The following OTUD4 variants were observed in gnomAD, a reference collection of about 807,000 sequenced individuals.
OTUD4 encodes OTU deubiquitinase 4.
In OTUD4, 24 loss-of-function variants were observed where a neutral mutation model predicts 130.4. That is an observed-to-expected ratio of 0.18 (90% confidence interval 0.13 to 0.26). The LOEUF (loss-of-function observed/expected upper bound fraction) is 0.26. Among genes scored for constraint, OTUD4 ranks in the 10% least tolerant of loss-of-function variants. The pLI is 1.00. For missense variants in OTUD4, 1,031 were observed against 1,329.4 expected (o/e 0.78, Z 3.49); for synonymous variants, 420 against 472.5 (o/e 0.89, Z 1.44).
intron 6 of OTUD4, 151 bp from the exon 7 acceptor site, chr4:145,159,786 T>A: frequency 1.4e-6 from 1 of 708,460 alleles, no homozygotes. Flanking sequence ...AACATAATTT[T>A]ATCAGAAAGT....
intron 1 of OTUD4, among the ~76,000 whole-genome samples, chr4:145,177,776 AGTCTCCTCCCC>A (rs1372791270): frequency 1.3e-5 from 2 of 152,228 alleles, no homozygotes; most frequent in African/African-American, 4.8e-5. Flanking sequence ...TCCTAACTCG[AGTCTCCTCCCC>A]GTCTTTAAAA....
At chr4:145,179,375 A>C (rs914694562) in intron 1 of OTUD4, among the ~76,000 whole-genome samples, 9 of 152,220 alleles carry the variant, frequency 5.9e-5, no homozygotes, top group African/African-American at 2.2e-4. Flanking sequence ...AGCAAACCAA[A>C]ATATGTTCCA....
intron 13 of OTUD4, among the ~76,000 whole-genome samples, chr4:145,148,857 G>A (rs1001729872): frequency 6.6e-6 from 1 of 152,012 alleles, no homozygotes; most frequent in African/African-American, 2.4e-5. Context: ...GATACTTTTC[G>A]TGCATTGAGT....
Position 145,138,043 on chromosome 4 carries a change from T to G in OTUD4, c.2732A>C (p.Glu911Ala). Residue 911 changes from glutamate (E) to alanine (A), a missense_variant, in exon 21 of 21, where the codon GAG (glutamate) becomes GCG (alanine). Transcript: ENST00000447906. ...ATGTTCACCCCTGGCTTCTGGAAAC[T>G]CATCTACTGTTGAAACTGAACCACA... ...KDCGSVSTVD[E>A]FPEARGEHVH... The G allele has an allele frequency of 6.2e-7, 1 of 1,614,212 alleles. No individual in the cohort carries two copies. The highest frequency in any genetic ancestry group is 8.5e-7 in the Non-Finnish European group (1 of 1,180,032).
At chr4:145,139,336 T>G (rs2126736620) in intron 20 of OTUD4, among the ~76,000 whole-genome samples, 1 of 152,308 alleles carries the variant, frequency 6.6e-6, no homozygotes, top group South Asian at 2.1e-4. Context: ...GTTTCATAGT[T>G]TAACTGTCTA....
intron 8 of OTUD4, 77 bp downstream of exon 8, chr4:145,155,859 G>GA (rs1428295832): frequency 6.3e-6 from 8 of 1,275,306 alleles, no homozygotes; most frequent in Non-Finnish European, 8.8e-6. Flanking sequence ...CCAGAAAAAA[G>GA]AAAAAAATTA....
At chr4:145,177,954 A>G (rs550689162) in intron 1 of OTUD4, among the ~76,000 whole-genome samples, 1 of 152,270 alleles carries the variant, frequency 6.6e-6, no homozygotes, top group South Asian at 2.1e-4. Context: ...ACACACACAC[A>G]CTTTGCCTTT....
At chr4:145,163,354 T>G (rs1751677359) in intron 5 of OTUD4, among the ~76,000 whole-genome samples, 1 of 152,198 alleles carries the variant, frequency 6.6e-6, no homozygotes, top group Admixed American at 6.5e-5. Context: ...ACAAAAATTC[T>G]CTTATAATAA....
chr4:145,146,606 G>C (rs372831480), intron 13 of OTUD4, among the ~76,000 whole-genome samples, 177 bp from the exon 14 acceptor site: 6 of 151,756 alleles, frequency 4.0e-5, no homozygotes, highest in African/African-American at 1.5e-4. Context: ...TAGAACATTT[G>C]GCAGTCTGGT....
chr4:145,177,759 A>AC (rs1752496679), intron 1 of OTUD4, among the ~76,000 whole-genome samples: 1 of 152,234 alleles, frequency 6.6e-6, no homozygotes, highest in South Asian at 2.1e-4. Context: ...GGAGAGAAAG[A>AC]CCAAAATCCT....
At chr4:145,143,309 G>C (rs1042651427) in intron 17 of OTUD4, 56 bp downstream of exon 17, 6 of 1,101,354 alleles carry the variant, frequency 5.4e-6, no homozygotes, top group Non-Finnish European at 8.3e-6. Flanking sequence ...CCTATACACA[G>C]AGCACAGAAA....
chr4:145,144,252 T>C (rs1274719975), intron 15 of OTUD4, 59 bp downstream of exon 15: 1 of 1,550,894 alleles, frequency 6.4e-7, no homozygotes, highest in East Asian at 2.2e-5. Flanking sequence ...ATATATGACA[T>C]TAAGCCAGTC....
At chr4:145,159,315 C>T in intron 7 of OTUD4, 188 bp downstream of exon 7, 1 of 1,399,904 alleles carries the variant, frequency 7.1e-7, no homozygotes, top group Non-Finnish European at 9.3e-7. Context: ...TCAAAACAAA[C>T]AGTCCCATAA....
intron 1 of OTUD4, among the ~76,000 whole-genome samples, chr4:145,177,588 T>C (rs977368815): frequency 3.3e-5 from 5 of 152,352 alleles, no homozygotes; most frequent in Admixed American, 3.3e-4. Flanking sequence ...TGGGACAAGA[T>C]AGTGATAAAT....
chr4:145,144,175 T>C, intron 15 of OTUD4, 136 bp downstream of exon 15: 1 of 1,092,234 alleles, frequency 9.2e-7, no homozygotes, highest in Non-Finnish European at 1.3e-6. Context: ...TCAATACTTC[T>C]CTGCAACATT....
Position 145,155,609 on chromosome 4 carries a change from A to G in OTUD4, c.768T>C (p.Tyr256=). The G allele has an allele frequency of 6.2e-7, 1 of 1,612,896 alleles. No homozygotes were observed. Among genetic ancestry groups the G allele is most frequent in the Non-Finnish European group, 8.5e-7 (1 of 1,179,426 alleles). ...GCCAAATTTCATATTCCACATTTCT[A>G]TAGACTGCAGGATTGAGTGACTTAA... ...KVLKSLNPAV[Y]RNVEYEIWLK... Residue 256 remains tyrosine, a synonymous_variant, in exon 9 of 21, where the codon TAT becomes TAC. Transcript: ENST00000447906.
intron 6 of OTUD4, among the ~76,000 whole-genome samples, 187 bp from the exon 7 acceptor site, chr4:145,159,822 G>C (rs759322315): frequency 2.0e-5 from 3 of 152,158 alleles, no homozygotes; most frequent in Non-Finnish European, 4.4e-5. Context: ...TAAAATTTCT[G>C]TAAGTGCAGT....
At chr4:145,148,205 A>C (rs539146115) in intron 13 of OTUD4, among the ~76,000 whole-genome samples, 40 of 152,230 alleles carry the variant, frequency 2.6e-4, no homozygotes, top group Non-Finnish European at 4.3e-4. Flanking sequence ...TATTGAAAAC[A>C]CTGTTGATTA....
rs1254683107 is a variant in OTUD4 at position 145,133,996 on chromosome 4, G to T, written c.*3434C>A. The T allele has an allele frequency of 6.6e-6, 1 of 152,524 alleles. No individual in the cohort carries two copies. The highest frequency in any genetic ancestry group is 2.4e-5 in the African/African-American group (1 of 41,402). The allele number at this position is 152,524 out of a possible 1,614,324, so 9.4% of individuals were successfully genotyped here. On this transcript the variant is annotated 3_prime_UTR_variant, in exon 21 of 21. Coordinates refer to ENST00000447906, the MANE Select transcript of OTUD4 (RefSeq NM_001366057.1). ...TTCATACATAAAATTTTCTAGCTCT[G>T]TAACACAATGCAATTTTTAATCCAT...
Sources: gnomAD v4.1 joint callset for allele counts (sites outside exome capture counted in the v4.1 genomes callset) on GRCh38, gnomAD v4.1.1 for gene constraint, MANE v1.5 for transcripts, NCBI Gene and HGNC (gene_info 2026-07-23, HGNC 2026-07-21) for gene names.